Variants in BRINP1 observed in about 807,000 individuals in gnomAD.
The protein encoded by BRINP1 is BMP/retinoic acid-inducible neural-specific protein 1.
A neutral mutation model predicts 72.9 loss-of-function variants in BRINP1; 17 were observed. The observed-to-expected ratio is 0.23, with a 90% CI of 0.16 to 0.35. The LOEUF is 0.35. BRINP1 is among the 10% of genes least tolerant of loss of function. BRINP1 has a pLI of 1.00. For missense variants in BRINP1, 850 were observed against 1,001.6 expected, an observed-to-expected ratio of 0.85 and a Z score of 2.04; for synonymous variants, 418 against 378.5, an observed-to-expected ratio of 1.10 and a Z score of -1.21.
At chr9:119,319,616 A>G in intron 1 of BRINP1, among the ~76,000 whole-genome samples, 1 of 152,210 alleles carries the variant, frequency 6.6e-6, no homozygotes, top group East Asian at 1.9e-4. Context: ...TTGAGCATCT[A>G]CTATATGCTG....
intron 4 of BRINP1, among the ~76,000 whole-genome samples, chr9:119,240,546 G>A (rs930573714): frequency 3.9e-5 from 6 of 152,194 alleles, no homozygotes; most frequent in African/African-American, 1.4e-4. Flanking sequence ...CCAGCGAGGA[G>A]AGAACCATTT....
chr9:119,177,231 TC>T (rs1829499637), intron 7 of BRINP1, among the ~76,000 whole-genome samples: 1 of 152,220 alleles, frequency 6.6e-6, no homozygotes, highest in Non-Finnish European at 1.5e-5. Flanking sequence ...TTCCGTACCA[TC>T]CACCCACACA....
chr9:119,206,340 A>C (rs1829853385), intron 7 of BRINP1, among the ~76,000 whole-genome samples: 1 of 150,130 alleles, frequency 6.7e-6, no homozygotes, highest in Admixed American at 6.6e-5. Context: ...GAATCGCTTG[A>C]ACCTGGGAGA....
At chr9:119,334,543 G>A (rs1383979549) in intron 1 of BRINP1, among the ~76,000 whole-genome samples, 5 of 152,148 alleles carry the variant, frequency 3.3e-5, no homozygotes, top group Admixed American at 3.3e-4. Flanking sequence ...ATCAGGTTTA[G>A]CTGACACTTA....
chr9:119,190,003 A>G (rs947329058), intron 7 of BRINP1, among the ~76,000 whole-genome samples: 7 of 152,074 alleles, frequency 4.6e-5, no homozygotes, highest in Admixed American at 1.3e-4. Flanking sequence ...GAAACTAGAA[A>G]TCAGTAACAA....
At chr9:119,266,987 C>A (rs1048327807) in intron 2 of BRINP1, among the ~76,000 whole-genome samples, 1 of 152,116 alleles carries the variant, frequency 6.6e-6, no homozygotes, top group Non-Finnish European at 1.5e-5. Flanking sequence ...CAGGGGAGGA[C>A]AAAATCAGAA....
chr9:119,279,074 A>G (rs968624265), intron 2 of BRINP1, among the ~76,000 whole-genome samples: 8 of 152,242 alleles, frequency 5.3e-5, no homozygotes, highest in African/African-American at 1.9e-4. Context: ...GCTCAAAGTA[A>G]AACAAGTACA....
chr9:119,212,807 A>C (rs1829942991), intron 6 of BRINP1, among the ~76,000 whole-genome samples: 1 of 152,228 alleles, frequency 6.6e-6, no homozygotes, highest in Non-Finnish European at 1.5e-5. Flanking sequence ...AAGTGAGCAC[A>C]TGGTCTTCTT....
At chr9:119,261,016 T>C (rs1830489741) in intron 2 of BRINP1, among the ~76,000 whole-genome samples, 1 of 152,106 alleles carries the variant, frequency 6.6e-6, no homozygotes, top group African/African-American at 2.4e-5. Context: ...TAAATAATAA[T>C]TTAATTTAAA....
At chr9:119,326,761 C>T (rs1173383162) in intron 1 of BRINP1, among the ~76,000 whole-genome samples, 1 of 152,020 alleles carries the variant, frequency 6.6e-6, no homozygotes, top group South Asian at 2.1e-4. Context: ...GTCCAGAATG[C>T]GAGATGGACA....
At chr9:119,296,128 CA>C (rs1214771417) in intron 2 of BRINP1, among the ~76,000 whole-genome samples, 1 of 152,072 alleles carries the variant, frequency 6.6e-6, no homozygotes, top group South Asian at 2.1e-4. Flanking sequence ...AAAATATCTG[CA>C]AACCATATAT....
intron 1 of BRINP1, among the ~76,000 whole-genome samples, chr9:119,323,060 A>T (rs1831205593): frequency 6.6e-6 from 1 of 152,176 alleles, no homozygotes; most frequent in African/African-American, 2.4e-5. Flanking sequence ...TCACAGCATG[A>T]AAAGTAAGAT....
chr9:119,180,577 A>T (rs1159139337), intron 7 of BRINP1, among the ~76,000 whole-genome samples: 1 of 152,038 alleles, frequency 6.6e-6, no homozygotes, highest in Non-Finnish European at 1.5e-5. Context: ...AATACTTGAG[A>T]TTCCGCTGAA....
At chr9:119,365,903 A>T (rs1455320848) in intron 1 of BRINP1, among the ~76,000 whole-genome samples, 1 of 152,054 alleles carries the variant, frequency 6.6e-6, no homozygotes, top group Non-Finnish European at 1.5e-5. Flanking sequence ...AAAAGGCTCT[A>T]TTGCAGATGG....
chr9:119,257,824 G>A (rs1223887588), intron 2 of BRINP1, among the ~76,000 whole-genome samples: 1 of 152,154 alleles, frequency 6.6e-6, no homozygotes, highest in East Asian at 1.9e-4. Flanking sequence ...AAGGGCATAT[G>A]TGAAGCAGAA....
chr9:119,236,205 C>T (rs900869524), intron 5 of BRINP1, among the ~76,000 whole-genome samples: 7 of 152,178 alleles, frequency 4.6e-5, no homozygotes, highest in African/African-American at 1.4e-4. Flanking sequence ...CAACATCCCT[C>T]CTGGAGTGTG....
intron 7 of BRINP1, among the ~76,000 whole-genome samples, chr9:119,205,544 A>G (rs964636544): frequency 6.6e-6 from 1 of 152,178 alleles, no homozygotes; most frequent in African/African-American, 2.4e-5. Flanking sequence ...GACTTGCCCA[A>G]GGACACACAG....
chr9:119,224,116 C>G (rs1413892877), intron 5 of BRINP1, among the ~76,000 whole-genome samples: 3 of 151,986 alleles, frequency 2.0e-5, no homozygotes, highest in African/African-American at 7.2e-5. Context: ...ATACTGGATG[C>G]TAGAGATACA....
At chr9:119,258,700 G>A (rs113679345) in intron 2 of BRINP1, among the ~76,000 whole-genome samples, 10 of 152,298 alleles carry the variant, frequency 6.6e-5, no homozygotes, top group South Asian at 2.1e-4. Flanking sequence ...CTTAGATTCC[G>A]TGTTCTCTAC....
Sources: allele counts gnomAD v4.1 joint callset (sites outside exome capture counted in the v4.1 genomes callset), GRCh38; gene constraint gnomAD v4.1.1; transcripts MANE v1.5; gene names NCBI Gene and HGNC (gene_info 2026-07-23, HGNC 2026-07-21).